The following PPM1H variants were observed in gnomAD, a reference collection of about 807,000 sequenced individuals.
The protein encoded by PPM1H is protein phosphatase 1H.
PPM1H carries 27 observed loss-of-function variants against 54.9 expected under a neutral mutation model. The ratio of observed to expected loss-of-function variants is 0.49; its 90% CI spans 0.36 to 0.68. The LOEUF (loss-of-function observed/expected upper bound fraction) is 0.68, where lower values mean the gene tolerates loss of function less well. Ranked by LOEUF, PPM1H falls within the 30% of genes least tolerant of loss-of-function variation. The pLI is 0.00. For missense variants in PPM1H, 596 were observed against 667.8 expected (o/e 0.89, Z 1.19); for synonymous variants, 305 against 270.8 (o/e 1.13, Z -1.24).
At chr12:62,673,715 CTTTTTTTTTTTTTTTT>C (rs567775927) in intron 8 of PPM1H, among the ~76,000 whole-genome samples, 2 of 41,960 alleles carry the variant, frequency 4.8e-5, no homozygotes, top group Non-Finnish European at 9.7e-5. Flanking sequence ...AAGAGCCACT[CTTTTTTTTTTTTTTTT>C]TTTTTTTTTT....
intron 5 of PPM1H, among the ~76,000 whole-genome samples, chr12:62,729,061 C>T (rs1246261063): frequency 6.6e-6 from 1 of 152,150 alleles, no homozygotes; most frequent in Non-Finnish European, 1.5e-5. Context: ...AACATTTGAG[C>T]CCTTACATAT....
At chr12:62,791,004 C>A (rs2076698413) in intron 3 of PPM1H, among the ~76,000 whole-genome samples, 1 of 152,080 alleles carries the variant, frequency 6.6e-6, no homozygotes, top group South Asian at 2.1e-4. Context: ...CATCTTAGAC[C>A]CTCAACACCT....
chr12:62,680,033 A>G (rs1285132047), intron 8 of PPM1H, among the ~76,000 whole-genome samples: 1 of 152,138 alleles, frequency 6.6e-6, no homozygotes, highest in Admixed American at 6.5e-5. Context: ...TCCCTGTACA[A>G]GCATGTTATT....
At chr12:62,704,216 G>T (rs342179) in intron 6 of PPM1H, among the ~76,000 whole-genome samples, 1 of 151,942 alleles carries the variant, frequency 6.6e-6, no homozygotes, top group Non-Finnish European at 1.5e-5. Context: ...CTCAAGTCAG[G>T]GTTGTGGAGC....
intron 7 of PPM1H, among the ~76,000 whole-genome samples, chr12:62,690,077 G>C (rs968202171): frequency 1.3e-5 from 2 of 152,084 alleles, no homozygotes; most frequent in East Asian, 3.9e-4. Flanking sequence ...TTTTTTTGGA[G>C]ACTGGAAGGA....
intron 6 of PPM1H, among the ~76,000 whole-genome samples, chr12:62,710,778 T>TC (rs1462353173): frequency 6.6e-6 from 1 of 152,186 alleles, no homozygotes; most frequent in Non-Finnish European, 1.5e-5. Flanking sequence ...CCTTCCTTTG[T>TC]CTTTTTGTTT....
intron 9 of PPM1H, among the ~76,000 whole-genome samples, chr12:62,657,703 T>C (rs2075852917): frequency 6.6e-6 from 1 of 152,216 alleles, no homozygotes; most frequent in Admixed American, 6.5e-5. Flanking sequence ...AGCTAACTCA[T>C]GGAAAGGTTT....
intron 1 of PPM1H, among the ~76,000 whole-genome samples, chr12:62,888,163 G>T (rs1360310657): frequency 6.6e-6 from 1 of 152,082 alleles, no homozygotes; most frequent in Non-Finnish European, 1.5e-5. Flanking sequence ...GCTGATGAGG[G>T]GGATGATGAT....
intron 3 of PPM1H, among the ~76,000 whole-genome samples, chr12:62,801,082 G>A (rs186763099): frequency 7.9e-5 from 12 of 152,344 alleles, no homozygotes; most frequent in Non-Finnish European, 1.5e-4. Flanking sequence ...CCCAGTTGTG[G>A]TAAAACAGCC....
chr12:62,921,989 GA>G (rs1235711881), intron 1 of PPM1H, among the ~76,000 whole-genome samples: 10 of 152,064 alleles, frequency 6.6e-5, no homozygotes, highest in Admixed American at 6.6e-4. Flanking sequence ...TTAGAAAAAA[GA>G]AACATCACTA....
chr12:62,828,604 T>C (rs1021805505), intron 2 of PPM1H, among the ~76,000 whole-genome samples: 3 of 152,222 alleles, frequency 2.0e-5, no homozygotes, highest in Non-Finnish European at 2.9e-5. Context: ...CCTCTACGAA[T>C]GGAAGCTCCC....
intron 2 of PPM1H, among the ~76,000 whole-genome samples, chr12:62,804,860 A>G (rs1336125494): frequency 6.6e-6 from 1 of 150,932 alleles, no homozygotes; most frequent in African/African-American, 2.4e-5. Flanking sequence ...TATTTTTAGT[A>G]GAGACGGGGT....
intron 1 of PPM1H, among the ~76,000 whole-genome samples, chr12:62,855,328 T>G (rs1869343404): frequency 1.3e-5 from 2 of 152,076 alleles, no homozygotes; most frequent in Non-Finnish European, 1.5e-5. Flanking sequence ...GACATAGATA[T>G]CAGACAGTAC....
chr12:62,801,841 G>A lies in PPM1H; in HGVS notation c.731C>T (p.Ala244Val), dbSNP rs373606808. The A allele has an allele frequency of 4.3e-6, 7 of 1,613,886 alleles. No homozygotes were observed. The highest frequency in any genetic ancestry group is 2.2e-5 in the East Asian group (1 of 44,856). Residue 244 changes from alanine (A) to valine (V), a missense_variant, in exon 3 of 10, where the codon GCG (alanine) becomes GTG (valine). Physicochemically the swap from Ala to Val is moderately conservative, Grantham distance 64. Coordinates refer to ENST00000228705, the MANE Select transcript of PPM1H (RefSeq NM_020700.2). ...CATTTCCTTGAATGCACTTTCAAGC[G>A]CTCCGATGACCAGGCACTCATGGGG... ...KIPHECLVIG[A>V]LESAFKEMDL...
chr12:62,822,433 A>C (rs2076909790), intron 2 of PPM1H, among the ~76,000 whole-genome samples: 1 of 152,196 alleles, frequency 6.6e-6, no homozygotes, highest in South Asian at 2.1e-4. Flanking sequence ...CTCCACCCCA[A>C]ATCAACAGAC....
intron 1 of PPM1H, among the ~76,000 whole-genome samples, chr12:62,924,216 G>A (rs961836573): frequency 6.6e-6 from 1 of 152,202 alleles, no homozygotes; most frequent in African/African-American, 2.4e-5. Context: ...CCCAGAGTGG[G>A]GGGGGCAGTA....
chr12:62,736,561 AAC>A (rs1304935128), intron 5 of PPM1H, among the ~76,000 whole-genome samples: 2 of 152,258 alleles, frequency 1.3e-5, no homozygotes, highest in African/African-American at 4.8e-5. Context: ...AATGAATGAA[AAC>A]ACAGACATGG....
chr12:62,726,664 T>C (rs1053882013), intron 5 of PPM1H, among the ~76,000 whole-genome samples: 10 of 152,144 alleles, frequency 6.6e-5, no homozygotes, highest in Non-Finnish European at 1.3e-4. Flanking sequence ...CAGAGATGTT[T>C]TGTCCGCAAA....
chr12:62,832,614 G>A (rs529416467), intron 1 of PPM1H, among the ~76,000 whole-genome samples: 1 of 152,176 alleles, frequency 6.6e-6, no homozygotes, highest in Non-Finnish European at 1.5e-5. Context: ...TGAATGTTTC[G>A]GCAATTACAA....
Sources: gnomAD v4.1 joint callset for allele counts (sites outside exome capture counted in the v4.1 genomes callset) on GRCh38, gnomAD v4.1.1 for gene constraint, MANE v1.5 for transcripts, NCBI Gene and HGNC (gene_info 2026-07-23, HGNC 2026-07-21) for gene names.